Variants in C21orf91 observed in about 807,000 individuals in gnomAD.
C21orf91 encodes the protein protein EURL homolog.
Under a neutral mutation model 32.9 loss-of-function variants are expected in C21orf91, and 26 were observed. That is an observed-to-expected ratio of 0.79 (90% confidence interval 0.58 to 1.10). C21orf91 has a LOEUF of 1.10. C21orf91 is among the 50% of genes least tolerant of loss of function. The pLI is 0.00. For missense variants in C21orf91, 310 were observed against 341.3 expected (o/e 0.91, Z 0.72); for synonymous variants, 126 against 120.4 (o/e 1.05, Z -0.31).
rs1477051374 is a variant in C21orf91, at chr21:17,793,243, AGAC to A, written c.*169_*171del. 2.3e-6 allele frequency: 1 copy of A among 439,648 alleles called. No homozygotes were observed. The highest frequency in any genetic ancestry group is 4.1e-6 in the Non-Finnish European group (1 of 245,042). 27.2% of individuals were successfully genotyped at this position (439,648 alleles called of 1,614,324 possible). ...ATGAGCCAAAATGATTAGCCCTAGA[AGAC>A]TAGAGTATAATGATCTGCTTTATTT... On this transcript the variant is annotated 3_prime_UTR_variant, in exon 5 of 5. Transcript: ENST00000284881.
chr21:17,795,196 A>C lies in C21orf91; in HGVS notation c.727+12T>G. On this transcript the variant is annotated intron_variant, in intron 4 of 4. Coordinates refer to ENST00000284881, the MANE Select transcript of C21orf91 (RefSeq NM_001100420.2). Reference sequence around the variant, plus strand: ...TTGTCACACACAAAAAAGTACTGACAGTGATTCTTACCCTGGATTTGCTGT... The same window carrying C: ...TTGTCACACACAAAAAAGTACTGACCGTGATTCTTACCCTGGATTTGCTGT... 1.3e-6 allele frequency: 2 copies of C among 1,587,424 alleles called. No individual in the cohort carries two copies. The highest frequency in any genetic ancestry group is 2.2e-5 in the South Asian group (2 of 90,540).
intron 2 of C21orf91, among the ~76,000 whole-genome samples, chr21:17,800,010 T>G (rs1056293916): frequency 6.6e-6 from 1 of 152,168 alleles, no homozygotes; most frequent in African/African-American, 2.4e-5. Flanking sequence ...TTTAGTCTAA[T>G]GGGCTATTAG....
intron 2 of C21orf91, among the ~76,000 whole-genome samples, chr21:17,817,256 C>T (rs542249452): frequency 6.6e-6 from 1 of 152,198 alleles, no homozygotes. Context: ...ATAACAAGTC[C>T]TAACAGGAAT....
chr21:17,807,548 T>C (rs965875650), intron 2 of C21orf91, among the ~76,000 whole-genome samples: 8 of 152,132 alleles, frequency 5.3e-5, no homozygotes, highest in Non-Finnish European at 1.2e-4. Flanking sequence ...TTGGAACAGT[T>C]TGGAGGGCTC....
chr21:17,807,182 G>C (rs904876532), intron 2 of C21orf91, among the ~76,000 whole-genome samples: 1 of 152,192 alleles, frequency 6.6e-6, no homozygotes, highest in Non-Finnish European at 1.5e-5. Context: ...AATACGCAAT[G>C]TTGGAGGAGG....
intron 2 of C21orf91, among the ~76,000 whole-genome samples, chr21:17,817,479 T>A (rs1469982955): frequency 6.6e-6 from 1 of 151,802 alleles, no homozygotes; most frequent in Non-Finnish European, 1.5e-5. Flanking sequence ...ACAGGCCAAA[T>A]TTTTTTTGCA....
At chr21:17,804,269 C>G (rs144543355) in intron 2 of C21orf91, among the ~76,000 whole-genome samples, 1 of 152,142 alleles carries the variant, frequency 6.6e-6, no homozygotes, top group Non-Finnish European at 1.5e-5. Flanking sequence ...GTCATGTGAC[C>G]AAGGCAGAAG....
chr21:17,797,096 C>CCCCTT lies in C21orf91; in HGVS notation c.149_150insAAGGG (p.His51ArgfsTer7). 1 of 1,595,454 alleles carries CCCCTT rather than the reference C, an allele frequency of 6.3e-7. No individual in the cohort carries two copies. The highest frequency in any genetic ancestry group is 8.5e-7 in the Non-Finnish European group (1 of 1,172,606). On this transcript the variant is annotated frameshift_variant, in exon 3 of 5. Coordinates refer to ENST00000284881, the MANE Select transcript of C21orf91 (RefSeq NM_001100420.2). LOFTEE classifies it high-confidence loss of function. ...TATGGCCCCTTAATGATTTGGTGTG[C>CCCCTT]AAGAGATCAGACTTTGGTACCCCTA...
chr21:17,795,773 A>G (rs1347893230), intron 3 of C21orf91, among the ~76,000 whole-genome samples: 1 of 152,178 alleles, frequency 6.6e-6, no homozygotes, highest in East Asian at 1.9e-4. Flanking sequence ...GTGCCTGGCC[A>G]GAAACATATT....
At chr21:17,811,529 T>A (rs1343241330) in intron 2 of C21orf91, 1 of 152,218 alleles carries the variant, frequency 6.6e-6, no homozygotes, top group Non-Finnish European at 1.5e-5. Context: ...TAGCGTCTAT[T>A]ATACTTCATA....
At chr21:17,815,191 C>T (rs1039499838) in intron 2 of C21orf91, among the ~76,000 whole-genome samples, 4 of 152,048 alleles carry the variant, frequency 2.6e-5, no homozygotes, top group African/African-American at 9.7e-5. Context: ...TTGATGTAAG[C>T]AACAATCCAA....
At chr21:17,812,181 T>C (rs1704959639) in intron 2 of C21orf91, among the ~76,000 whole-genome samples, 1 of 152,212 alleles carries the variant, frequency 6.6e-6, no homozygotes, top group South Asian at 2.1e-4. Flanking sequence ...AAATATTCTA[T>C]TATTTAAACT....
rs1040885959 is a variant in C21orf91 at position 17,795,415 on chromosome 21, C to T, written c.665-145G>A. ...CAGTACTCCAGTATTCAACCATTAA[C>T]GCTCGTAAGTGTGGAGTAGAAGTTT... is the stretch of plus-strand genomic sequence containing the variant. On this transcript the variant is annotated intron_variant, in intron 3 of 4. Transcript: ENST00000284881. The T allele has an allele frequency of 3.0e-5, 19 of 633,240 alleles. No individual in the cohort carries two copies. In the East Asian group the frequency reaches 4.4e-4, roughly 15 times the overall value. The allele number at this position is 633,240 out of a possible 1,614,324, so 39.2% of individuals were successfully genotyped here.
At chr21:17,812,760 G>A (rs752378221) in intron 2 of C21orf91, among the ~76,000 whole-genome samples, 1 of 151,866 alleles carries the variant, frequency 6.6e-6, no homozygotes, top group Non-Finnish European at 1.5e-5. Flanking sequence ...AGTGAGCCGA[G>A]ACTGCACCAC....
At chr21:17,793,639 A>G (rs764548654) in intron 4 of C21orf91, 58 bp from the exon 5 acceptor site, 33 of 1,154,956 alleles carry the variant, frequency 2.9e-5, no homozygotes, top group Non-Finnish European at 4.0e-5. Flanking sequence ...GCTATGATTT[A>G]TATTTCAAGA....
At chr21:17,797,197 T>TA (rs2062526236) in intron 2 of C21orf91, 79 bp from the exon 3 acceptor site, 1 of 896,752 alleles carries the variant, frequency 1.1e-6, no homozygotes, top group Non-Finnish European at 1.7e-6. Context: ...CAAATCTTAG[T>TA]AAAATCAGAG....
chr21:17,810,230 G>C (rs2062623619), intron 2 of C21orf91, among the ~76,000 whole-genome samples: 1 of 152,108 alleles, frequency 6.6e-6, no homozygotes. Context: ...CCATAATATA[G>C]TGATTAAATG....
intron 2 of C21orf91, among the ~76,000 whole-genome samples, chr21:17,812,735 G>A (rs2062640478): frequency 6.6e-6 from 1 of 152,052 alleles, no homozygotes; most frequent in South Asian, 2.1e-4. Flanking sequence ...TGTGAACCTG[G>A]GAGGCGGAGC....
In C21orf91 at chr21:17,795,284, A is replaced by C. The variant is rs1380709854; in HGVS notation, c.665-14T>G. 1 of 1,571,572 alleles carries C rather than the reference A, an allele frequency of 6.4e-7. No homozygotes were observed. The highest frequency in any genetic ancestry group is 8.8e-7 in the Non-Finnish European group (1 of 1,142,018). On this transcript the variant is annotated splice_polypyrimidine_tract_variant and intron_variant, in intron 3 of 4. Transcript: ENST00000284881. Reference sequence around the variant, plus strand: ...TCATCGAATTCACTGAAACATGAAAATGTATTCACTATTACCACAACAACC... The same window carrying C: ...TCATCGAATTCACTGAAACATGAAACTGTATTCACTATTACCACAACAACC...
Sources: gnomAD v4.1 joint callset for allele counts (sites outside exome capture counted in the v4.1 genomes callset) on GRCh38, gnomAD v4.1.1 for gene constraint, MANE v1.5 for transcripts, NCBI Gene and HGNC (gene_info 2026-07-23, HGNC 2026-07-21) for gene names.